Variants in FHOD3 observed in about 807,000 individuals in gnomAD.
The protein encoded by FHOD3 is formin homology 2 domain containing 3, also known as FH1/FH2 domain-containing protein 3.
Under a neutral mutation model 173.0 loss-of-function variants are expected in FHOD3, and 90 were observed. The ratio of observed to expected loss-of-function variants is 0.52; its 90% CI spans 0.44 to 0.62. FHOD3 has a LOEUF of 0.62. Ranked by LOEUF, FHOD3 falls within the 20% of genes least tolerant of loss-of-function variation. The probability of loss-of-function intolerance (pLI) is 0.00; values close to 1 mark genes in which losing one functional copy is unlikely to be tolerated. For missense variants in FHOD3, 1,945 were observed against 2,034.7 expected, an observed-to-expected ratio of 0.96 and a Z score of 0.85; for synonymous variants, 828 against 823.0, an observed-to-expected ratio of 1.01 and a Z score of -0.10.
chr18:36,486,201 T>C (rs1187300981), intron 3 of FHOD3, among the ~76,000 whole-genome samples: 1 of 152,186 alleles, frequency 6.6e-6, no homozygotes, highest in Non-Finnish European at 1.5e-5. Context: ...TCTGTCTACA[T>C]CCACCACTTT....
intron 3 of FHOD3, among the ~76,000 whole-genome samples, chr18:36,453,908 C>A (rs1002347094): frequency 6.6e-6 from 1 of 152,206 alleles, no homozygotes; most frequent in Non-Finnish European, 1.5e-5. Flanking sequence ...AAGTTTTATT[C>A]TGAAGACTCA....
At chr18:36,621,719 C>T (rs1208959931) in intron 9 of FHOD3, among the ~76,000 whole-genome samples, 1 of 152,214 alleles carries the variant, frequency 6.6e-6, no homozygotes, top group African/African-American at 2.4e-5. Flanking sequence ...ACATCACAGT[C>T]TATATTCTTC....
chr18:36,354,904 G>A (rs1382708053), intron 1 of FHOD3, among the ~76,000 whole-genome samples: 6 of 152,222 alleles, frequency 3.9e-5, no homozygotes, highest in Non-Finnish European at 7.4e-5. Flanking sequence ...ACTTGAACCC[G>A]GGAGGTGGAG....
chr18:36,304,439 A>G (rs2092037966), intron 1 of FHOD3, among the ~76,000 whole-genome samples: 1 of 152,208 alleles, frequency 6.6e-6, no homozygotes, highest in Non-Finnish European at 1.5e-5. Flanking sequence ...TTAATAAAAG[A>G]GCTAAAAAAA....
intron 27 of FHOD3, among the ~76,000 whole-genome samples, chr18:36,765,668 G>C (rs1268411270): frequency 1.3e-5 from 2 of 152,116 alleles, no homozygotes; most frequent in Admixed American, 6.6e-5. Flanking sequence ...GGATATTCCA[G>C]AACTACAAAA....
chr18:36,559,309 C>T (rs181601809), intron 5 of FHOD3, among the ~76,000 whole-genome samples: 15 of 152,258 alleles, frequency 9.9e-5, no homozygotes, highest in East Asian at 9.7e-4. Flanking sequence ...GTCCTCTCTG[C>T]GGCTGCTTCT....
chr18:36,430,153 A>G (rs555322221), intron 3 of FHOD3, among the ~76,000 whole-genome samples: 2 of 152,356 alleles, frequency 1.3e-5, no homozygotes, highest in East Asian at 1.9e-4. Flanking sequence ...TTAATGATCT[A>G]AATTACAGGT....
intron 10 of FHOD3, among the ~76,000 whole-genome samples, chr18:36,636,656 G>GTTTT (rs34551927): frequency 6.3e-5 from 9 of 141,974 alleles, no homozygotes; most frequent in African/African-American, 2.1e-4. Context: ...CATTCCTGAG[G>GTTTT]TTTTTTTTTT....
At chr18:36,552,206 C>G (rs924974911) in intron 5 of FHOD3, among the ~76,000 whole-genome samples, 1 of 152,124 alleles carries the variant, frequency 6.6e-6, no homozygotes, top group Non-Finnish European at 1.5e-5. Flanking sequence ...TTGAAGAGGT[C>G]CTTCACAGCC....
At chr18:36,705,053 C>T (rs2048079411) in intron 17 of FHOD3, among the ~76,000 whole-genome samples, 1 of 152,236 alleles carries the variant, frequency 6.6e-6, no homozygotes, top group Admixed American at 6.5e-5. Context: ...GGCCTCACTC[C>T]ACAGCTCGCA....
At chr18:36,487,862 T>C (rs1347187529) in intron 3 of FHOD3, among the ~76,000 whole-genome samples, 1 of 152,154 alleles carries the variant, frequency 6.6e-6, no homozygotes, top group African/African-American at 2.4e-5. Context: ...CAGAGGAAAG[T>C]GTCAGGAGGC....
intron 28 of FHOD3, chr18:36,777,917 T>G (rs950257862): frequency 6.6e-6 from 1 of 152,198 alleles, no homozygotes; most frequent in Non-Finnish European, 1.5e-5. Flanking sequence ...ACATATCCCA[T>G]GTCTCTCTAA....
rs189622333 is a variant in FHOD3, at chr18:36,577,323, A to G, written c.606+778A>G. 5.2e-3 allele frequency among the ~76,000 whole-genome samples: 790 copies of G among 151,128 alleles called. 4 individuals carry two copies. Among genetic ancestry groups the G allele is most frequent in the Non-Finnish European group, 7.9e-3 (540 of 67,996 alleles). On this transcript the variant is annotated intron_variant, in intron 6 of 28. Transcript: ENST00000590592. The stretch of plus-strand genomic sequence containing the variant: ...ATTTTATTTTATTTTATTTATTGAG[A>G]CAGAGTCTTATACTCTGTTGCCAGG...
intron 10 of FHOD3, among the ~76,000 whole-genome samples, chr18:36,646,153 G>A (rs1665996421): frequency 6.6e-6 from 1 of 152,290 alleles, no homozygotes; most frequent in East Asian, 1.9e-4. Context: ...ATTGTCTACA[G>A]AGGAAGTCTA....
At chr18:36,389,216 G>C (rs546878470) in intron 3 of FHOD3, among the ~76,000 whole-genome samples, 2 of 152,336 alleles carry the variant, frequency 1.3e-5, no homozygotes, top group East Asian at 3.9e-4. Flanking sequence ...AGAAGAGGAA[G>C]TCAGAGTAGG....
intron 3 of FHOD3, among the ~76,000 whole-genome samples, chr18:36,479,077 T>G (rs1329454255): frequency 6.6e-6 from 1 of 152,270 alleles, no homozygotes; most frequent in African/African-American, 2.4e-5. Context: ...GCTTCCTGCG[T>G]GTCCCTTTCC....
At chr18:36,729,240 T>C (rs2041230176) in intron 19 of FHOD3, among the ~76,000 whole-genome samples, 1 of 152,180 alleles carries the variant, frequency 6.6e-6, no homozygotes, top group African/African-American at 2.4e-5. Context: ...TGAGTCAAAA[T>C]AGCCATCCTC....
chr18:36,557,098 G>A (rs1472818198), intron 5 of FHOD3, among the ~76,000 whole-genome samples: 1 of 152,016 alleles, frequency 6.6e-6, no homozygotes, highest in East Asian at 1.9e-4. Context: ...TGTATCAATG[G>A]TTTTCATCAA....
At chr18:36,642,631 A>G (rs1043852374) in intron 10 of FHOD3, among the ~76,000 whole-genome samples, 3 of 151,672 alleles carry the variant, frequency 2.0e-5, no homozygotes, top group Non-Finnish European at 4.4e-5. Context: ...CTAATTGTAC[A>G]GAGTTGGGTT....
Sources: allele counts gnomAD v4.1 joint callset (sites outside exome capture counted in the v4.1 genomes callset), GRCh38; gene constraint gnomAD v4.1.1; transcripts MANE v1.5; gene names NCBI Gene and HGNC (gene_info 2026-07-23, HGNC 2026-07-21).